The following UBE2F variants were observed in gnomAD, a reference collection of about 807,000 sequenced individuals.
UBE2F encodes ubiquitin conjugating enzyme E2 F (putative).
In UBE2F, 5 loss-of-function variants were observed where a neutral mutation model predicts 29.6. That is an observed-to-expected ratio of 0.17 (90% CI 0.09 to 0.36). The LOEUF (loss-of-function observed/expected upper bound fraction) is 0.36. Among genes scored for constraint, UBE2F ranks in the 10% least tolerant of loss-of-function variants. The pLI, the probability that UBE2F is intolerant of heterozygous loss-of-function variation, is 1.00. For synonymous variants in UBE2F, 66 were observed against 81.8 expected (o/e 0.81, Z 1.04); for missense variants, 141 against 228.5 (o/e 0.62, Z 2.47).
At chr2:238,031,025 T>G (rs1395654707) in intron 7 of UBE2F, among the ~76,000 whole-genome samples, 1 of 152,204 alleles carries the variant, frequency 6.6e-6, no homozygotes, top group African/African-American at 2.4e-5. Context: ...CTGTCAGGTG[T>G]TGGGTACCTA....
chr2:238,025,240 A>G (rs1427027588), intron 5 of UBE2F, 102 bp from the exon 6 acceptor site: 5 of 993,184 alleles, frequency 5.0e-6, no homozygotes, highest in Admixed American at 1.9e-5. Flanking sequence ...TGAGTCAGCC[A>G]TGAAACAAGC....
chr2:237,975,293 A>G (rs536506468), intron 2 of UBE2F, among the ~76,000 whole-genome samples: 25 of 150,938 alleles, frequency 1.7e-4, no homozygotes, highest in African/African-American at 5.6e-4. Flanking sequence ...ATTTTTTTGT[A>G]GAGATGGGGT....
Position 237,967,234 on chromosome 2 carries a change from C to A in UBE2F, c.-17+102C>A. The A allele has an allele frequency of 1.2e-6, 1 of 807,052 alleles. No individual in the cohort carries two copies. The highest frequency in any genetic ancestry group is 1.5e-6 in the Non-Finnish European group (1 of 667,752). 50.0% of individuals were successfully genotyped at this position (807,052 alleles called of 1,614,324 possible). The stretch of plus-strand genomic sequence containing the variant: ...GAGGGCGCGGGCGGTGGCGGGGCCG[C>A]CTCGGGCCCGCCGGGTTCCTCACGC... On this transcript the variant is annotated intron_variant, in intron 1 of 9. Coordinates refer to ENST00000272930, the MANE Select transcript of UBE2F (RefSeq NM_080678.3). This position sits in a 1 kb window ranked among gnomAD's most constrained non-coding sequence, Gnocchi z 6.3.
intron 6 of UBE2F, among the ~76,000 whole-genome samples, chr2:238,028,320 C>G (rs548072663): frequency 6.6e-6 from 1 of 152,248 alleles, no homozygotes; most frequent in Non-Finnish European, 1.5e-5. Flanking sequence ...CTTCATTCAG[C>G]TAATGTTGAT....
chr2:238,002,078 T>TTTA (rs1372519474), intron 4 of UBE2F, among the ~76,000 whole-genome samples: 1 of 150,550 alleles, frequency 6.6e-6, no homozygotes, highest in African/African-American at 2.4e-5. Context: ...TTTTTTTTTT[T>TTTA]TTTGAGACAG....
intron 6 of UBE2F, 27 bp from the exon 7 acceptor site, chr2:238,030,529 T>C (rs774524487): frequency 6.2e-7 from 1 of 1,601,840 alleles, no homozygotes; most frequent in Non-Finnish European, 8.5e-7. Context: ...TGCTCCTCAC[T>C]AACCACTGTG....
intron 8 of UBE2F, chr2:238,035,047 A>G (rs1030065929): frequency 6.6e-6 from 1 of 152,238 alleles, no homozygotes; most frequent in African/African-American, 2.4e-5. Flanking sequence ...ATGCGCCACC[A>G]TGCCTGGCTA....
intron 1 of UBE2F, among the ~76,000 whole-genome samples, chr2:237,972,301 G>C (rs1481808941): frequency 6.6e-6 from 1 of 152,206 alleles, no homozygotes; most frequent in African/African-American, 2.4e-5. Context: ...TGCTGCTTCA[G>C]TTGGTGATGG....
chr2:237,986,167 G>T lies in UBE2F; in HGVS notation c.119-1796G>T, dbSNP rs767393898. 8 of 377,184 alleles carry T rather than the reference G, an allele frequency of 2.1e-5. 1 individual carries two copies. Among genetic ancestry groups the T allele is most frequent in the Non-Finnish European group, 4.0e-5 (8 of 198,956 alleles). 23.4% of individuals were successfully genotyped at this position (377,184 alleles called of 1,614,324 possible). On this transcript the variant is annotated intron_variant, in intron 2 of 9. Transcript: ENST00000272930. ...CTTTTTTTTTTTTTTTTGAGACGGG[G>T]TCTCACTCTGTCACGTAGAGTGAGT...
At chr2:237,999,088 ATTTTTTTT>A (rs1042402210) in intron 4 of UBE2F, among the ~76,000 whole-genome samples, 2 of 150,120 alleles carry the variant, frequency 1.3e-5, no homozygotes, top group African/African-American at 2.5e-5. Flanking sequence ...TTATTTATTT[ATTTTTTTT>A]TTTTGAGACA....
At chr2:238,002,672 C>T (rs1252456206) in intron 4 of UBE2F, among the ~76,000 whole-genome samples, 3 of 152,128 alleles carry the variant, frequency 2.0e-5, no homozygotes, top group African/African-American at 7.2e-5. Context: ...AGTGCAGTGG[C>T]GCGATCTTGA....
At chr2:237,992,547 A>G (rs2063611033) in intron 3 of UBE2F, among the ~76,000 whole-genome samples, 1 of 152,176 alleles carries the variant, frequency 6.6e-6, no homozygotes, top group South Asian at 2.1e-4. Context: ...CTGGAAAGGA[A>G]ACCCCACTAT....
chr2:238,025,274 G>C (rs1027865160), intron 5 of UBE2F, 68 bp from the exon 6 acceptor site: 3 of 1,367,180 alleles, frequency 2.2e-6, no homozygotes, highest in Non-Finnish European at 3.1e-6. Flanking sequence ...ATGTGGTAAG[G>C]CTCTGGCCTG....
intron 4 of UBE2F, among the ~76,000 whole-genome samples, chr2:237,999,656 G>C (rs996084053): frequency 3.3e-5 from 5 of 152,272 alleles, no homozygotes; most frequent in Admixed American, 3.3e-4. Flanking sequence ...TTGAAAGCTT[G>C]ACCAAACAGC....
intron 9 of UBE2F, among the ~76,000 whole-genome samples, chr2:238,037,554 T>C (rs1458285426): frequency 6.6e-6 from 1 of 152,196 alleles, no homozygotes; most frequent in Non-Finnish European, 1.5e-5. Context: ...CTGAACCAGA[T>C]TCCCTATGGC....
At chr2:237,987,400 A>C (rs761898083) in intron 2 of UBE2F, among the ~76,000 whole-genome samples, 4 of 152,168 alleles carry the variant, frequency 2.6e-5, no homozygotes, top group Non-Finnish European at 5.9e-5. Context: ...GACTTCTAAC[A>C]CTGTGTTGAA....
intron 8 of UBE2F, 67 bp downstream of exon 8, chr2:238,032,321 TAA>T: frequency 7.4e-7 from 1 of 1,350,182 alleles, no homozygotes; most frequent in Admixed American, 1.8e-5. Flanking sequence ...GACATTGCGT[TAA>T]GACATGGTTT....
chr2:237,967,431 C>G lies in UBE2F; in HGVS notation c.-17+299C>G, dbSNP rs945038458. 2.0e-5 allele frequency among the ~76,000 whole-genome samples: 3 copies of G among 151,756 alleles called. No homozygotes were observed. The highest frequency in any genetic ancestry group is 7.2e-5 in the African/African-American group (3 of 41,408). ...GGCGGCGGCGGGGGACGGCCCGCGC[C>G]GAGCACCTGGTGTGAACCAGGCCCT... is the stretch of plus-strand genomic sequence containing the variant. On this transcript the variant is annotated intron_variant, in intron 1 of 9. Coordinates refer to ENST00000272930, the MANE Select transcript of UBE2F (RefSeq NM_080678.3). This position sits in a 1 kb window ranked among gnomAD's most constrained non-coding sequence, Gnocchi z 6.3.
intron 2 of UBE2F, among the ~76,000 whole-genome samples, chr2:237,983,121 C>T (rs192837106): frequency 7.2e-5 from 11 of 152,290 alleles, no homozygotes; most frequent in Non-Finnish European, 1.2e-4. Flanking sequence ...AGATGTGAGC[C>T]ACTGCACCCA....
Sources: allele counts gnomAD v4.1 joint callset (sites outside exome capture counted in the v4.1 genomes callset), GRCh38; gene constraint gnomAD v4.1.1; non-coding constraint Gnocchi (gnomAD v3.1); transcripts MANE v1.5; gene names NCBI Gene and HGNC (gene_info 2026-07-23, HGNC 2026-07-21).